The following SKIC3 variants were observed in gnomAD, a reference collection of about 807,000 sequenced individuals.
SKIC3 encodes superkiller complex protein 3.
At chr5:95,528,763 C>G in the SKIC3 span, 1 of 498,576 alleles carries the variant, frequency 2.0e-6, no homozygotes, top group African/African-American at 1.9e-5. Context: ...CCTAAACTGA[C>G]TATGTCAATA....
the SKIC3 span, among the ~76,000 whole-genome samples, chr5:95,464,943 T>TTTTTTA: frequency 5.4e-5 from 7 of 130,230 alleles, no homozygotes; most frequent in Admixed American, 7.8e-5. Context: ...TTTTTTTTTT[T>TTTTTTA]GGACGGAATC....
At chr5:95,535,005 T>C in the SKIC3 span, among the ~76,000 whole-genome samples, 1 of 152,198 alleles carries the variant, frequency 6.6e-6, no homozygotes. Context: ...AATTGATTTT[T>C]GTCTCTCCGT....
the SKIC3 span, among the ~76,000 whole-genome samples, chr5:95,554,635 G>C: frequency 6.6e-6 from 1 of 152,190 alleles, no homozygotes; most frequent in African/African-American, 2.4e-5. Context: ...CACGGGGTAA[G>C]AGAAGCAATA....
At chr5:95,526,736 T>C in the SKIC3 span, among the ~76,000 whole-genome samples, 4 of 152,150 alleles carry the variant, frequency 2.6e-5, no homozygotes, top group African/African-American at 7.2e-5. Flanking sequence ...CCCAAAGTGT[T>C]AGAGGCATGA....
the SKIC3 span, among the ~76,000 whole-genome samples, chr5:95,496,977 T>C: frequency 3.3e-5 from 5 of 152,226 alleles, no homozygotes; most frequent in African/African-American, 1.2e-4. Flanking sequence ...GTCAGTGACT[T>C]CATATTTATA....
chr5:95,530,061 C>A, the SKIC3 span: 1 of 1,609,662 alleles, frequency 6.2e-7, no homozygotes, highest in Non-Finnish European at 8.5e-7. Flanking sequence ...TTATACTTCA[C>A]GTTACATGCC....
chr5:95,498,518 T>C, the SKIC3 span: 1 of 1,614,210 alleles, frequency 6.2e-7, no homozygotes, highest in Non-Finnish European at 8.5e-7. Flanking sequence ...TTTGACAGTG[T>C]AGCATCCTGC....
the SKIC3 span, among the ~76,000 whole-genome samples, chr5:95,489,241 T>A: frequency 6.6e-6 from 1 of 151,282 alleles, no homozygotes; most frequent in Non-Finnish European, 1.5e-5. Context: ...GAGTTTGAGG[T>A]CAGTCTGGGC....
chr5:95,541,968 T>A, the SKIC3 span: 1 of 1,029,262 alleles, frequency 9.7e-7, no homozygotes, highest in Non-Finnish European at 1.5e-6. Flanking sequence ...CTCACATTCA[T>A]TTATTTTGCT....
chr5:95,501,271 A>G, the SKIC3 span, among the ~76,000 whole-genome samples: 1 of 152,194 alleles, frequency 6.6e-6, no homozygotes, highest in African/African-American at 2.4e-5. Context: ...TCTAGTATTA[A>G]GCAAACACGT....
At chr5:95,524,329 C>T in the SKIC3 span, 3 of 1,316,640 alleles carry the variant, frequency 2.3e-6, no homozygotes, top group African/African-American at 4.4e-5. Flanking sequence ...ATAACACCAT[C>T]ACAAAACCTG....
chr5:95,545,745 T>C, the SKIC3 span, among the ~76,000 whole-genome samples: 1 of 152,196 alleles, frequency 6.6e-6, no homozygotes, highest in African/African-American at 2.4e-5. Flanking sequence ...CTACTAAAAA[T>C]AGCCTTCTTG....
the SKIC3 span, chr5:95,482,754 G>A: frequency 8.6e-5 from 82 of 950,394 alleles, 1 homozygote; most frequent in South Asian, 1.3e-3. Context: ...TTATTAAAGA[G>A]AAAACAACTG....
the SKIC3 span, among the ~76,000 whole-genome samples, chr5:95,533,155 A>G: frequency 2.4e-4 from 36 of 151,664 alleles, no homozygotes; most frequent in Non-Finnish European, 3.2e-4. Flanking sequence ...ATTTAGCATG[A>G]AAAAAAATTT....
At chr5:95,489,221 T>C in the SKIC3 span, among the ~76,000 whole-genome samples, 15 of 151,978 alleles carry the variant, frequency 9.9e-5, no homozygotes, top group Non-Finnish European at 2.1e-4. Context: ...GGAGTATTAC[T>C]TGAGCCCAGG....
chr5:95,506,007 AC>A, the SKIC3 span, among the ~76,000 whole-genome samples: 1 of 152,220 alleles, frequency 6.6e-6, no homozygotes, highest in South Asian at 2.1e-4. Flanking sequence ...TAAAATACTT[AC>A]ATTAGTACTT....
chr5:95,533,900 T>C, the SKIC3 span, among the ~76,000 whole-genome samples: 2 of 152,214 alleles, frequency 1.3e-5, no homozygotes, highest in African/African-American at 4.8e-5. Flanking sequence ...GGTACATTTA[T>C]GCTTATTGAG....
chr5:95,485,516 A>T, the SKIC3 span, among the ~76,000 whole-genome samples: 51 of 152,284 alleles, frequency 3.3e-4, no homozygotes, highest in African/African-American at 1.2e-3. Context: ...TATCATTTTT[A>T]TGTATTGCTG....
chr5:95,484,939 A>C, the SKIC3 span: 4 of 1,328,836 alleles, frequency 3.0e-6, no homozygotes, highest in Non-Finnish European at 4.3e-6. Context: ...CGTTGGGCTT[A>C]TCATCCATAC....
Sources: allele counts gnomAD v4.1 joint callset (sites outside exome capture counted in the v4.1 genomes callset), GRCh38; gene constraint gnomAD v4.1.1; transcripts MANE v1.5; gene names NCBI Gene and HGNC (gene_info 2026-07-23, HGNC 2026-07-21).